TNS3: variants seen among roughly 807,000 people sequenced by gnomAD.
TNS3 encodes tensin-3.
Under a neutral mutation model 140.9 loss-of-function variants are expected in TNS3, and 45 were observed. The observed-to-expected ratio is 0.32, with a 90% CI of 0.25 to 0.41. The LOEUF (loss-of-function observed/expected upper bound fraction) is 0.41. Ranked by LOEUF, TNS3 falls within the 10% of genes least tolerant of loss-of-function variation. TNS3 has a pLI of 1.00. For missense variants in TNS3, 1,716 were observed against 1,906.7 expected, an observed-to-expected ratio of 0.90 and a Z score of 1.86; for synonymous variants, 815 against 788.4, an observed-to-expected ratio of 1.03 and a Z score of -0.56.
intron 4 of TNS3, among the ~76,000 whole-genome samples, chr7:47,447,878 C>A (rs778554528): frequency 5.3e-5 from 8 of 152,346 alleles, no homozygotes; most frequent in Non-Finnish European, 1.2e-4. Flanking sequence ...CTGTGAACTG[C>A]GGCTTCTTGC....
intron 13 of TNS3, among the ~76,000 whole-genome samples, chr7:47,409,672 C>CTTTTTTTTTGT (rs1562703573): frequency 6.7e-6 from 1 of 149,254 alleles, no homozygotes; most frequent in African/African-American, 2.6e-5. Flanking sequence ...TTTTTTTTAC[C>CTTTTTTTTTGT]TCTGAGACGG....
intron 20 of TNS3, among the ~76,000 whole-genome samples, chr7:47,321,884 G>T (rs1787755113): frequency 6.6e-6 from 1 of 152,058 alleles, no homozygotes; most frequent in African/African-American, 2.4e-5. Context: ...CAGCACTCAA[G>T]CCTCTCTCTA....
At chr7:47,309,621 G>A (rs1411946630) in intron 20 of TNS3, among the ~76,000 whole-genome samples, 1 of 152,146 alleles carries the variant, frequency 6.6e-6, no homozygotes, top group East Asian at 1.9e-4. Context: ...TCAATGTTAT[G>A]GCTAAAGAGA....
chr7:47,372,744 A>G (rs1791148766), intron 16 of TNS3, among the ~76,000 whole-genome samples: 1 of 152,208 alleles, frequency 6.6e-6, no homozygotes, highest in African/African-American at 2.4e-5. Context: ...CTATTAATAC[A>G]TGAAAGTACA....
At chr7:47,319,156 C>G (rs192005121) in intron 20 of TNS3, among the ~76,000 whole-genome samples, 3 of 152,178 alleles carry the variant, frequency 2.0e-5, no homozygotes, top group African/African-American at 7.2e-5. Flanking sequence ...TAGGAACAAC[C>G]GAGGCTGGGC....
chr7:47,342,623 C>T (rs1173305415), intron 20 of TNS3, among the ~76,000 whole-genome samples: 1 of 152,216 alleles, frequency 6.6e-6, no homozygotes, highest in African/African-American at 2.4e-5. Context: ...GTATAATCTG[C>T]CCATGGCTGT....
At chr7:47,458,598 C>G (rs1422158436) in intron 4 of TNS3, among the ~76,000 whole-genome samples, 1 of 152,220 alleles carries the variant, frequency 6.6e-6, no homozygotes, top group African/African-American at 2.4e-5. Context: ...AAAAACGGGG[C>G]TGCTCAAGCC....
At chr7:47,558,885 C>G (rs187084267) in intron 1 of TNS3, among the ~76,000 whole-genome samples, 2 of 152,304 alleles carry the variant, frequency 1.3e-5, no homozygotes, top group East Asian at 3.9e-4. Flanking sequence ...ATGACCCCCT[C>G]GAGCCCTTCC....
At chr7:47,413,245 C>A (rs1190035954) in intron 12 of TNS3, among the ~76,000 whole-genome samples, 1 of 136,092 alleles carries the variant, frequency 7.3e-6, no homozygotes, top group Non-Finnish European at 1.5e-5. Context: ...AGCCACCAAG[C>A]CTGGCCTTTT....
intron 3 of TNS3, among the ~76,000 whole-genome samples, chr7:47,500,450 C>A (rs1181914626): frequency 1.3e-5 from 2 of 152,192 alleles, no homozygotes; most frequent in East Asian, 1.9e-4. Context: ...CGGTCCCAGC[C>A]CTGTCACCTG....
chr7:47,350,677 C>T (rs1199274735), intron 17 of TNS3, among the ~76,000 whole-genome samples: 1 of 152,200 alleles, frequency 6.6e-6, no homozygotes, highest in Non-Finnish European at 1.5e-5. Flanking sequence ...CCTCTCTGCT[C>T]ACAGGGGACG....
chr7:47,319,199 C>T (rs535788843), intron 20 of TNS3, among the ~76,000 whole-genome samples: 185 of 152,294 alleles, frequency 1.2e-3, no homozygotes, highest in East Asian at 2.1e-3. Context: ...ATTTGGCTCA[C>T]GGTTCTGAAG....
chr7:47,501,657 G>A (rs1165715857), intron 3 of TNS3, among the ~76,000 whole-genome samples: 1 of 152,112 alleles, frequency 6.6e-6, no homozygotes, highest in African/African-American at 2.4e-5. Context: ...CTTGTGCACG[G>A]GTGAGAAGGT....
intron 4 of TNS3, among the ~76,000 whole-genome samples, chr7:47,474,559 G>C (rs932022196): frequency 1.6e-5 from 2 of 122,068 alleles, no homozygotes; most frequent in South Asian, 2.8e-4. Flanking sequence ...AACACACACA[G>C]CACAACACAC....
intron 1 of TNS3, among the ~76,000 whole-genome samples, chr7:47,530,838 AATATATAT>A (rs1554350245): frequency 5.5e-5 from 3 of 54,566 alleles, no homozygotes; most frequent in South Asian, 1.8e-3. Context: ...AAAAAAAAAA[AATATATAT>A]ATATATATAT....
intron 23 of TNS3, 80 bp from the exon 24 acceptor site, chr7:47,297,293 C>T: frequency 2.7e-6 from 4 of 1,477,468 alleles, no homozygotes; most frequent in Non-Finnish European, 3.6e-6. Context: ...TGGGTAGGTC[C>T]TCTCCCCTTA....
intron 4 of TNS3, among the ~76,000 whole-genome samples, chr7:47,466,675 C>T (rs1372112083): frequency 1.3e-5 from 2 of 152,142 alleles, no homozygotes; most frequent in Non-Finnish European, 2.9e-5. Context: ...CTGTGTACTT[C>T]CTGCAAGGAG....
At chr7:47,340,587 T>TC in intron 20 of TNS3, among the ~76,000 whole-genome samples, 1 of 144,384 alleles carries the variant, frequency 6.9e-6, no homozygotes, top group East Asian at 2.0e-4. Context: ...TTTTTTTTCT[T>TC]TTTTTTTTTT....
At chr7:47,377,400 A>T (rs994271539) in intron 16 of TNS3, among the ~76,000 whole-genome samples, 2 of 152,142 alleles carry the variant, frequency 1.3e-5, no homozygotes, top group Non-Finnish European at 1.5e-5. Context: ...TCTGGGGTGG[A>T]GACACTGTGT....
Sources: gnomAD v4.1 joint callset for allele counts (sites outside exome capture counted in the v4.1 genomes callset) on GRCh38, gnomAD v4.1.1 for gene constraint, MANE v1.5 for transcripts, NCBI Gene and HGNC (gene_info 2026-07-23, HGNC 2026-07-21) for gene names.